NKAIN2: variants seen among roughly 807,000 people sequenced by gnomAD.
The protein encoded by NKAIN2 is sodium/potassium transporting ATPase interacting 2, also known as sodium/potassium-transporting ATPase subunit beta-1-interacting protein 2.
A neutral mutation model predicts 32.6 loss-of-function variants in NKAIN2; 14 were observed. That is an observed-to-expected ratio of 0.43 (90% CI 0.28 to 0.67). NKAIN2 has a LOEUF of 0.67. NKAIN2 is among the 30% of genes least tolerant of loss of function. The probability of loss-of-function intolerance (pLI) is 0.17; values close to 1 mark genes in which losing one functional copy is unlikely to be tolerated. For missense variants in NKAIN2, 198 were observed against 258.3 expected (o/e 0.77, Z 1.60); for synonymous variants, 80 against 87.2 (o/e 0.92, Z 0.46).
At chr6:124,637,505 A>G (rs1377090969) in intron 3 of NKAIN2, among the ~76,000 whole-genome samples, 3 of 152,038 alleles carry the variant, frequency 2.0e-5, no homozygotes, top group Non-Finnish European at 4.4e-5. Flanking sequence ...AAATTTTTGC[A>G]TTATTTTTTC....
rs751574665 is a variant in NKAIN2 at position 124,283,001 on chromosome 6, C to CCT, written c.55-4_55-3insCT. 2.5e-6 allele frequency: 4 copies of CCT among 1,613,620 alleles called. No individual in the cohort carries two copies. The South Asian group carries it at 3.3e-5, about 13-fold the overall frequency. ...GATCTGTCCATCCTGTTTTGCTATT[C>CCT]TAGGTTTGTGTGCTGGAGAGGCAAA... On this transcript the variant is annotated splice_region_variant and splice_polypyrimidine_tract_variant and intron_variant, in intron 1 of 6. Coordinates refer to ENST00000368417, the MANE Select transcript of NKAIN2 (RefSeq NM_001040214.3).
chr6:124,093,663 G>GGTCCT (rs1784523611), intron 1 of NKAIN2, among the ~76,000 whole-genome samples: 1 of 152,042 alleles, frequency 6.6e-6, no homozygotes, highest in Non-Finnish European at 1.5e-5. Flanking sequence ...ATTTTCATAT[G>GGTCCT]AAGTCTATGG....
At chr6:124,476,065 A>AGTGTGTGTGTGTGTGTGT (rs61191593) in intron 3 of NKAIN2, among the ~76,000 whole-genome samples, 32 of 132,548 alleles carry the variant, frequency 2.4e-4, no homozygotes, top group African/African-American at 8.9e-4. Context: ...AGAGAGAGAG[A>AGTGTGTGTGTGTGTGTGT]GTGTGTGTGT....
chr6:124,146,324 A>C (rs1014678911), intron 1 of NKAIN2, among the ~76,000 whole-genome samples: 1 of 152,190 alleles, frequency 6.6e-6, no homozygotes, highest in African/African-American at 2.4e-5. Flanking sequence ...TAATTTACTA[A>C]CTTAGTCATT....
intron 1 of NKAIN2, among the ~76,000 whole-genome samples, chr6:124,216,674 C>T (rs894203325): frequency 2.6e-5 from 4 of 152,112 alleles, no homozygotes; most frequent in African/African-American, 9.7e-5. Context: ...AAAATGTGGG[C>T]ACTAAATAAG....
At chr6:123,888,094 A>G (rs1053301301) in intron 1 of NKAIN2, among the ~76,000 whole-genome samples, 10 of 152,242 alleles carry the variant, frequency 6.6e-5, no homozygotes, top group Admixed American at 2.0e-4. Flanking sequence ...ATCTAGAGTA[A>G]ATTAAATGCT....
intron 4 of NKAIN2, among the ~76,000 whole-genome samples, chr6:124,781,642 A>G (rs910171244): frequency 2.6e-5 from 4 of 152,146 alleles, no homozygotes; most frequent in African/African-American, 9.7e-5. Context: ...TCTGAGGTTT[A>G]TGACATTCTG....
chr6:124,135,404 A>G (rs1012367441), intron 1 of NKAIN2, among the ~76,000 whole-genome samples: 2 of 151,982 alleles, frequency 1.3e-5, no homozygotes, highest in African/African-American at 2.4e-5. Flanking sequence ...AAGGACTCAC[A>G]TAAACTTAAG....
chr6:124,406,719 T>A (rs572294955), intron 3 of NKAIN2, among the ~76,000 whole-genome samples: 30 of 152,232 alleles, frequency 2.0e-4, no homozygotes, highest in African/African-American at 7.2e-4. Context: ...GAGAATCAGA[T>A]TTTCTCTGCA....
intron 5 of NKAIN2, among the ~76,000 whole-genome samples, chr6:124,797,788 A>T (rs1780066403): frequency 6.6e-6 from 1 of 152,032 alleles, no homozygotes; most frequent in Non-Finnish European, 1.5e-5. Flanking sequence ...ACAATCGCGT[A>T]CTCTCAACCA....
intron 1 of NKAIN2, among the ~76,000 whole-genome samples, chr6:123,911,726 A>G (rs1051406017): frequency 6.7e-6 from 1 of 149,470 alleles, no homozygotes; most frequent in Non-Finnish European, 1.5e-5. Flanking sequence ...ATTTACAGCA[A>G]TAAGTATTGT....
intron 3 of NKAIN2, among the ~76,000 whole-genome samples, chr6:124,536,043 C>T (rs922043080): frequency 6.6e-6 from 1 of 152,296 alleles, no homozygotes; most frequent in African/African-American, 2.4e-5. Flanking sequence ...ACTGCCCTTC[C>T]GTGGAGCCAC....
intron 5 of NKAIN2, among the ~76,000 whole-genome samples, chr6:124,806,942 T>C (rs1289989526): frequency 6.6e-6 from 1 of 152,108 alleles, no homozygotes; most frequent in African/African-American, 2.4e-5. Flanking sequence ...GAGCTAACTA[T>C]CCTAAATATA....
chr6:124,697,170 C>A (rs910059176), intron 4 of NKAIN2, among the ~76,000 whole-genome samples: 2 of 152,094 alleles, frequency 1.3e-5, no homozygotes, highest in African/African-American at 4.8e-5. Flanking sequence ...ATAACCTGGG[C>A]ATCTGCAGAA....
intron 3 of NKAIN2, among the ~76,000 whole-genome samples, chr6:124,468,363 T>C (rs563464363): frequency 6.6e-6 from 1 of 152,258 alleles, no homozygotes; most frequent in Non-Finnish European, 1.5e-5. Flanking sequence ...TACCCCATCC[T>C]TTCTCCTTTT....
chr6:124,678,583 T>A (rs146562936), intron 4 of NKAIN2, among the ~76,000 whole-genome samples: 63 of 152,312 alleles, frequency 4.1e-4, no homozygotes, highest in African/African-American at 1.5e-3. Flanking sequence ...ATATTTTTCA[T>A]CTCTTTGTTA....
chr6:124,634,241 C>T (rs1464710410), intron 3 of NKAIN2, among the ~76,000 whole-genome samples: 1 of 152,074 alleles, frequency 6.6e-6, no homozygotes, highest in African/African-American at 2.4e-5. Context: ...CAGCCACTAA[C>T]AGACCTCAAG....
chr6:124,119,543 C>T (rs1785775210), intron 1 of NKAIN2, among the ~76,000 whole-genome samples: 1 of 152,132 alleles, frequency 6.6e-6, no homozygotes, highest in African/African-American at 2.4e-5. Flanking sequence ...AAAGAACATG[C>T]CAGAACTCCC....
At chr6:124,606,941 A>G (rs1782525086) in intron 3 of NKAIN2, among the ~76,000 whole-genome samples, 1 of 152,178 alleles carries the variant, frequency 6.6e-6, no homozygotes, top group South Asian at 2.1e-4. Flanking sequence ...GGAGATTAAT[A>G]ACTTTCTAAG....
Sources: gnomAD v4.1 joint callset for allele counts (sites outside exome capture counted in the v4.1 genomes callset) on GRCh38, gnomAD v4.1.1 for gene constraint, MANE v1.5 for transcripts, NCBI Gene and HGNC (gene_info 2026-07-23, HGNC 2026-07-21) for gene names.